DOCK7: variants seen among roughly 807,000 people sequenced by gnomAD.
The protein encoded by DOCK7 is dedicator of cytokinesis protein 7.
DOCK7 carries 138 observed loss-of-function variants against 271.0 expected under a neutral mutation model. The ratio of observed to expected loss-of-function variants is 0.51; its 90% CI spans 0.44 to 0.59. The LOEUF is 0.59. Among genes scored for constraint, DOCK7 ranks in the 20% least tolerant of loss-of-function variants. The pLI is 0.00. For synonymous variants in DOCK7, 823 were observed against 876.1 expected, an observed-to-expected ratio of 0.94 and a Z score of 1.07; for missense variants, 2,066 against 2,592.4, an observed-to-expected ratio of 0.80 and a Z score of 4.41.
At chr1:62,558,951 T>C (rs1646232162) in intron 20 of DOCK7, 38 bp downstream of exon 20, 3 of 1,495,704 alleles carry the variant, frequency 2.0e-6, no homozygotes, top group Non-Finnish European at 2.7e-6. Flanking sequence ...TGTCAAGTTA[T>C]AAATTTCACG....
chr1:62,548,013 G>C (rs569721347), intron 22 of DOCK7, among the ~76,000 whole-genome samples: 1 of 151,928 alleles, frequency 6.6e-6, no homozygotes, highest in African/African-American at 2.4e-5. Flanking sequence ...CTAGTCCTGC[G>C]GTGTTAACTC....
At position 62,648,203 on chromosome 1, in the gene DOCK7, T is replaced by G. The variant is rs1368644630; in HGVS notation, c.635A>C (p.Asp212Ala). The change falls in exon 6 of 50, where the codon GAT (aspartate) becomes GCT (alanine). Residue 212 changes from aspartate (D) to alanine (A), a missense_variant. Physicochemically the swap from Asp to Ala is moderately radical, Grantham distance 126 (BLOSUM62 -2). This residue lies in a region of DOCK7 where 1,414 missense variants were observed against 1,670.4 expected (regional missense o/e 0.85). Transcript: ENST00000635253. ...GTCTATTTCTTCATTTGGAGTTCGA[T>G]CAAGTAAATTGGGAAGCAAAGCATC... is the stretch of plus-strand genomic sequence containing the variant. ...LPDALLPNLLDRTPNEEIDRQ... is the reference protein window; with the variant it reads ...LPDALLPNLLARTPNEEIDRQ... 3.1e-6 allele frequency: 5 copies of G among 1,613,622 alleles called. No individual in the cohort carries two copies. Among genetic ancestry groups the G allele is most frequent in the Admixed American group, 1.7e-5 (1 of 59,992 alleles).
chr1:62,493,572 C>A (rs918072226), intron 40 of DOCK7, among the ~76,000 whole-genome samples: 2 of 152,142 alleles, frequency 1.3e-5, no homozygotes, highest in African/African-American at 4.8e-5. Context: ...TTCCCCTCCC[C>A]CAATCTATTT....
At chr1:62,498,118 C>T (rs1316715439) in intron 37 of DOCK7, among the ~76,000 whole-genome samples, 4 of 151,668 alleles carry the variant, frequency 2.6e-5, no homozygotes, top group African/African-American at 2.4e-5. Context: ...GTGGTACATG[C>T]GTGTAGTCCC....
At chr1:62,472,827 A>T (rs1645868507) in intron 48 of DOCK7, among the ~76,000 whole-genome samples, 1 of 152,166 alleles carries the variant, frequency 6.6e-6, no homozygotes, top group Non-Finnish European at 1.5e-5. Flanking sequence ...TCAGAGAGAG[A>T]GTGCCTACAT....
intron 48 of DOCK7, among the ~76,000 whole-genome samples, chr1:62,464,803 A>G (rs1388517263): frequency 6.6e-6 from 1 of 152,218 alleles, no homozygotes; most frequent in Non-Finnish European, 1.5e-5. Flanking sequence ...CCATTTAACA[A>G]CATAATTTGC....
At chr1:62,513,974 T>C in intron 31 of DOCK7, 76 bp from the exon 32 acceptor site, 2 of 1,352,390 alleles carry the variant, frequency 1.5e-6, no homozygotes, top group Non-Finnish European at 2.0e-6. Flanking sequence ...AACTGTTTTC[T>C]TCTAAAAACA....
chr1:62,647,913 C>T, intron 6 of DOCK7, 137 bp from the exon 7 acceptor site: 1 of 827,356 alleles, frequency 1.2e-6, no homozygotes, highest in Middle Eastern at 2.9e-4. Context: ...TATTTATCCA[C>T]AGACAGAAGT....
chr1:62,680,322 C>A lies in DOCK7; in HGVS notation c.38+7905G>T, dbSNP rs1358243555. Among the ~76,000 whole-genome samples the A allele has an allele frequency of 3.3e-3, 499 of 151,264 alleles. 1 individual carries two copies. Among genetic ancestry groups the A allele is most frequent in the African/African-American group, 0.012 (471 of 40,674 alleles). The stretch of plus-strand genomic sequence containing the variant: ...CTATTTAATAAATGGTGTCGGGAAA[C>A]CTGGCTAGCCATATGTAGAAAGCTG... On this transcript the variant is annotated intron_variant, in intron 1 of 49. Transcript: ENST00000635253.
At chr1:62,583,587 T>C (rs2149493190) in intron 15 of DOCK7, among the ~76,000 whole-genome samples, 1 of 152,296 alleles carries the variant, frequency 6.6e-6, no homozygotes, top group South Asian at 2.1e-4. Context: ...ATTTGGAACT[T>C]ATGTAAGAAA....
intron 16 of DOCK7, among the ~76,000 whole-genome samples, chr1:62,579,889 T>C (rs1647062503): frequency 6.6e-6 from 1 of 152,024 alleles, no homozygotes. Flanking sequence ...TTAGAAGCGC[T>C]TCCAGACTCT....
chr1:62,633,160 C>A (rs746767915), intron 10 of DOCK7, among the ~76,000 whole-genome samples: 40 of 151,796 alleles, frequency 2.6e-4, no homozygotes, highest in Non-Finnish European at 3.1e-4. Flanking sequence ...ATAAAGAAAA[C>A]CTTTAATAAT....
chr1:62,510,451 C>CT, intron 34 of DOCK7, 126 bp downstream of exon 34: 1 of 575,716 alleles, frequency 1.7e-6, no homozygotes, highest in Non-Finnish European at 2.7e-6. Context: ...ATTTTGTTCT[C>CT]TAAGACTTAA....
intron 7 of DOCK7, among the ~76,000 whole-genome samples, chr1:62,642,895 A>G (rs74525919): frequency 0.011 from 1,736 of 152,356 alleles, 43 homozygotes; most frequent in African/African-American, 0.039. Flanking sequence ...AAATGAATGC[A>G]AATTCTTTGC....
At chr1:62,686,681 A>G (rs1365159818) in intron 1 of DOCK7, among the ~76,000 whole-genome samples, 1 of 152,206 alleles carries the variant, frequency 6.6e-6, no homozygotes, top group Non-Finnish European at 1.5e-5. Flanking sequence ...CAACAACACT[A>G]TGAGCTGGGT....
intron 14 of DOCK7, among the ~76,000 whole-genome samples, chr1:62,592,544 G>C (rs143063283): frequency 6.6e-6 from 1 of 152,088 alleles, no homozygotes; most frequent in Non-Finnish European, 1.5e-5. Flanking sequence ...TCTATTGTTT[G>C]TTATATATAT....
intron 14 of DOCK7, among the ~76,000 whole-genome samples, chr1:62,610,759 A>G (rs886344101): frequency 3.3e-5 from 5 of 152,118 alleles, no homozygotes; most frequent in Admixed American, 2.6e-4. Context: ...GATGGTTTCC[A>G]GCTTCATCCA....
intron 1 of DOCK7, among the ~76,000 whole-genome samples, chr1:62,670,273 G>A (rs1056419907): frequency 8.5e-5 from 13 of 152,364 alleles, no homozygotes; most frequent in Non-Finnish European, 1.6e-4. Context: ...TGAGGAATGC[G>A]AGCGCACGGC....
chr1:62,584,798 T>G (rs750697588), intron 15 of DOCK7: 11 of 744,664 alleles, frequency 1.5e-5, no homozygotes, highest in Non-Finnish European at 2.4e-5. Context: ...TAAAGTCCCA[T>G]GAAAGAAGTG....
Sources: gnomAD v4.1 joint callset for allele counts (sites outside exome capture counted in the v4.1 genomes callset) on GRCh38, gnomAD v4.1.1 for gene constraint, gnomAD v4.1.1 regional missense constraint, MANE v1.5 for transcripts, NCBI Gene and HGNC (gene_info 2026-07-23, HGNC 2026-07-21) for gene names.